Variants in CDC42BPB observed in about 807,000 individuals in gnomAD.
CDC42BPB encodes CDC42 binding protein kinase beta.
In CDC42BPB, 37 loss-of-function variants were observed where a neutral mutation model predicts 214.9. The observed-to-expected ratio is 0.17, with a 90% CI of 0.13 to 0.23. The LOEUF is 0.23. Ranked by LOEUF, CDC42BPB falls within the 10% of genes least tolerant of loss-of-function variation. CDC42BPB has a pLI of 1.00. For synonymous variants in CDC42BPB, 931 were observed against 884.0 expected (o/e 1.05, Z -0.94); for missense variants, 1,694 against 2,227.0 (o/e 0.76, Z 4.82).
chr14:103,016,274 G>A (rs905972017), intron 1 of CDC42BPB, among the ~76,000 whole-genome samples: 3 of 152,246 alleles, frequency 2.0e-5, no homozygotes, highest in African/African-American at 7.2e-5. Context: ...AAGGAACTTC[G>A]CTGCCAGGAT....
At chr14:102,954,540 T>G in intron 22 of CDC42BPB, 62 bp downstream of exon 22, 1 of 1,495,470 alleles carries the variant, frequency 6.7e-7, no homozygotes. Context: ...GAGCAGCATC[T>G]GGTCACCTGG....
At chr14:102,937,688 C>T (rs1394195701) in intron 36 of CDC42BPB, among the ~76,000 whole-genome samples, 1 of 152,260 alleles carries the variant, frequency 6.6e-6, no homozygotes, top group Non-Finnish European at 1.5e-5. Context: ...GAGGTGGTCC[C>T]CACACTCTGA....
chr14:102,954,248 A>T lies in CDC42BPB; in HGVS notation c.3016T>A (p.Ser1006Thr). 6.5e-7 allele frequency: 1 copy of T among 1,542,792 alleles called. No homozygotes were observed. The highest frequency in any genetic ancestry group is 1.2e-5 in the South Asian group (1 of 82,336). The change falls in exon 23 of 37, where the codon TCC becomes ACC. Residue 1006 changes from serine (S) to threonine (T), a missense_variant. Ser to Thr is a moderately conservative substitution (Grantham distance 58). Transcript: ENST00000361246. The part of the protein sequence containing the change: ...EDMARPPQRP[S>T]AVPLPTTQAL... Reference sequence around the variant, plus strand: ...TGCGTGGTGGGCAACGGCACAGCGGATGGCCTCTGCGGGGGCCGAGCCATG... The same window carrying T: ...TGCGTGGTGGGCAACGGCACAGCGGTTGGCCTCTGCGGGGGCCGAGCCATG...
chr14:103,037,163 GA>G (rs1887709984), intron 1 of CDC42BPB, among the ~76,000 whole-genome samples: 1 of 152,118 alleles, frequency 6.6e-6, no homozygotes, highest in Admixed American at 6.5e-5. Flanking sequence ...AATTTTAATG[GA>G]AAAAGACTAG....
intron 8 of CDC42BPB, among the ~76,000 whole-genome samples, chr14:102,978,961 T>C (rs1893879741): frequency 6.6e-6 from 1 of 152,172 alleles, no homozygotes; most frequent in Non-Finnish European, 1.5e-5. Flanking sequence ...GAGCTGAGGT[T>C]GTATCACTGT....
intron 30 of CDC42BPB, chr14:102,941,437 A>G (rs973699515): frequency 1.0e-6 from 1 of 985,364 alleles, no homozygotes; most frequent in Non-Finnish European, 1.2e-6. Flanking sequence ...GTTTGCAAGA[A>G]AGACAAAAGA....
intron 1 of CDC42BPB, among the ~76,000 whole-genome samples, chr14:103,025,456 C>T (rs563446510): frequency 1.3e-4 from 20 of 150,648 alleles, no homozygotes; most frequent in African/African-American, 4.9e-4. Context: ...AATGTCCACT[C>T]ACAGAAGAGT....
At position 102,943,561 on chromosome 14, in the gene CDC42BPB, TGA is replaced by T. The variant is rs988354025; in HGVS notation, c.4408+328_4408+329del. ...ATTATCACGAGGAAGGCCTTTTAAATGAGAGATGAATGCCACGCCCCGTTCTC... is the reference window on the plus strand; with the variant it reads ...ATTATCACGAGGAAGGCCTTTTAAATGAGATGAATGCCACGCCCCGTTCTC... On this transcript the variant is annotated intron_variant, in intron 30 of 36. Transcript: ENST00000361246. This position sits in a 1 kb window ranked among gnomAD's most constrained non-coding sequence, Gnocchi z 4.6. Among the ~76,000 whole-genome samples the T allele has an allele frequency of 2.6e-5, 4 of 152,194 alleles. No homozygotes were observed. The highest frequency in any genetic ancestry group is 6.5e-5 in the Admixed American group (1 of 15,286).
chr14:103,053,694 A>G lies in CDC42BPB; in HGVS notation c.175+3305T>C, dbSNP rs187865631. On this transcript the variant is annotated intron_variant, in intron 1 of 36. Transcript: ENST00000361246. ...GGAGAACAACGTGAACCCGGGAGGCAGAGCTTGCAGTGAGCCGAGATCCCG... is the reference window on the plus strand; with the variant it reads ...GGAGAACAACGTGAACCCGGGAGGCGGAGCTTGCAGTGAGCCGAGATCCCG... Among the ~76,000 whole-genome samples, 210 of 147,620 alleles carry G rather than the reference A, an allele frequency of 1.4e-3. 2 individuals carry two copies. In the East Asian group the frequency reaches 0.021, roughly 15 times the overall value.
At chr14:102,973,255 G>T (rs779878795) in intron 12 of CDC42BPB, among the ~76,000 whole-genome samples, 2 of 152,212 alleles carry the variant, frequency 1.3e-5, no homozygotes, top group South Asian at 2.1e-4. Context: ...AATCACTCAC[G>T]TGGATGACCC....
Position 102,950,496 on chromosome 14 carries a change from G to A in CDC42BPB, c.3279C>T (p.Gly1093=). The change falls in exon 25 of 37, where the codon GGC becomes GGT. Residue 1093 remains glycine, a synonymous_variant. Coordinates refer to ENST00000361246, the MANE Select transcript of CDC42BPB (RefSeq NM_006035.4). Reference sequence around the variant, plus strand: ...CATGGCCTTTGTAGGCTGTTCCGATGCCTCGCTGCACGTCCACGCCCAGAG... The same window carrying A: ...CATGGCCTTTGTAGGCTGTTCCGATACCTCGCTGCACGTCCACGCCCAGAG... ...KRPLGVDVQR[G]IGTAYKGHVK... The A allele has an allele frequency of 1.9e-6, 3 of 1,613,294 alleles. No homozygotes were observed. The highest frequency in any genetic ancestry group is 2.5e-6 in the Non-Finnish European group (3 of 1,179,980).
intron 30 of CDC42BPB, among the ~76,000 whole-genome samples, chr14:102,942,114 T>C (rs565143585): frequency 6.6e-6 from 1 of 152,340 alleles, no homozygotes; most frequent in East Asian, 1.9e-4. Context: ...CTGTGCTGGC[T>C]GCCTATGAAG....
rs1478066640 is a variant in CDC42BPB at position 102,943,507 on chromosome 14, C to T, written c.4408+384G>A. ...TTTCTGGCCACCAAAACCCCTCAAG[C>T]TTGTCTTTACTACTGTGTAAGTTTC... On this transcript the variant is annotated intron_variant, in intron 30 of 36. Transcript: ENST00000361246. This position sits in a 1 kb window ranked among gnomAD's most constrained non-coding sequence, Gnocchi z 4.6. Among the ~76,000 whole-genome samples the T allele has an allele frequency of 1.3e-5, 2 of 152,016 alleles. No individual in the cohort carries two copies. The highest frequency in any genetic ancestry group is 2.4e-5 in the African/African-American group (1 of 41,402).
intron 1 of CDC42BPB, among the ~76,000 whole-genome samples, chr14:103,056,340 T>C (rs1364484871): frequency 6.6e-6 from 1 of 152,174 alleles, no homozygotes; most frequent in Non-Finnish European, 1.5e-5. Context: ...TTGAAGGTGT[T>C]ACAGCAAAGT....
chr14:103,056,906 C>G (rs1889011955), intron 1 of CDC42BPB, 93 bp downstream of exon 1: 3 of 860,982 alleles, frequency 3.5e-6, no homozygotes, highest in Non-Finnish European at 4.6e-6. Context: ...GCGGCAGGGT[C>G]TGTCCGGGCG....
intron 5 of CDC42BPB, among the ~76,000 whole-genome samples, chr14:102,997,819 A>G (rs9805883): frequency 0.07 from 10,605 of 152,290 alleles, 471 homozygotes; most frequent in African/African-American, 0.13. Flanking sequence ...ACTGAACCAT[A>G]GCTGAAAGGA....
intron 3 of CDC42BPB, among the ~76,000 whole-genome samples, chr14:103,007,205 ACT>A (rs1435480157): frequency 2.6e-5 from 4 of 152,192 alleles, no homozygotes; most frequent in African/African-American, 9.7e-5. Context: ...AATGGTGCTA[ACT>A]CTGTCAACCA....
chr14:103,056,895 G>A (rs1204293627), intron 1 of CDC42BPB, 104 bp downstream of exon 1: 3 of 797,612 alleles, frequency 3.8e-6, no homozygotes, highest in African/African-American at 1.9e-5. Context: ...TGGGCAGGAG[G>A]GCGGCAGGGT....
intron 1 of CDC42BPB, among the ~76,000 whole-genome samples, chr14:103,046,155 T>TC (rs1384855491): frequency 6.6e-6 from 1 of 151,716 alleles, no homozygotes; most frequent in Admixed American, 6.6e-5. Context: ...AGTCAGATCC[T>TC]CCCCCACCAG....
Sources: gnomAD v4.1 joint callset for allele counts (sites outside exome capture counted in the v4.1 genomes callset) on GRCh38, gnomAD v4.1.1 for gene constraint, Gnocchi (gnomAD v3.1) non-coding constraint, MANE v1.5 for transcripts, NCBI Gene and HGNC (gene_info 2026-07-23, HGNC 2026-07-21) for gene names.